The following SLC44A5 variants were observed in gnomAD, a reference collection of about 807,000 sequenced individuals.
SLC44A5 encodes the protein choline transporter-like protein 5.
SLC44A5 carries 57 observed loss-of-function variants against 101.8 expected under a neutral mutation model. The observed-to-expected ratio is 0.56, with a 90% CI of 0.45 to 0.70. The LOEUF is 0.70. SLC44A5 is among the 30% of genes least tolerant of loss of function. The probability of loss-of-function intolerance (pLI) is 0.00; values close to 1 mark genes in which losing one functional copy is unlikely to be tolerated. For missense variants in SLC44A5, 737 were observed against 853.1 expected (o/e 0.86, Z 1.70); for synonymous variants, 281 against 290.9 (o/e 0.97, Z 0.35).
rs571882188 is a variant in SLC44A5, at chr1:75,484,825, C to T, written c.13+56610G>A. ...CTTCTGCACAACTGTAAGCCCAACA[C>T]CACGTGAAAGCTGCACAGGTTTGGG... is the stretch of plus-strand genomic sequence containing the variant. On this transcript the variant is annotated intron_variant, in intron 2 of 23. Transcript: ENST00000370859. Among the ~76,000 whole-genome samples the T allele has an allele frequency of 6.7e-4, 102 of 152,372 alleles. 1 individual carries two copies. Among genetic ancestry groups the T allele is most frequent in the African/African-American group, 2.3e-3 (96 of 41,590 alleles).
chr1:75,255,165 G>C (rs530644548), intron 6 of SLC44A5, among the ~76,000 whole-genome samples: 1 of 152,034 alleles, frequency 6.6e-6, no homozygotes, highest in Non-Finnish European at 1.5e-5. Flanking sequence ...CAGCAGCAAA[G>C]CAAATCCACC....
the SLC44A5 span, among the ~76,000 whole-genome samples, chr1:75,713,046 C>T: frequency 6.6e-6 from 1 of 152,168 alleles, no homozygotes; most frequent in Non-Finnish European, 1.5e-5. Flanking sequence ...TCCTGTTCCG[C>T]CTAACCACTA....
intron 3 of SLC44A5, among the ~76,000 whole-genome samples, chr1:75,357,870 A>G (rs1659196175): frequency 1.3e-5 from 2 of 152,154 alleles, no homozygotes; most frequent in Non-Finnish European, 2.9e-5. Context: ...TGCGTCAAAG[A>G]GTTATATGTC....
chr1:75,695,772 A>C, the SLC44A5 span, among the ~76,000 whole-genome samples: 1 of 148,280 alleles, frequency 6.7e-6, no homozygotes, highest in East Asian at 1.9e-4. Context: ...TATATAAATA[A>C]AATAGTATTC....
intron 3 of SLC44A5, among the ~76,000 whole-genome samples, chr1:75,369,845 C>G (rs908338055): frequency 1.3e-5 from 2 of 151,886 alleles, no homozygotes; most frequent in East Asian, 3.9e-4. Context: ...AAAGATGAAA[C>G]AGTTCAATCA....
At chr1:75,273,240 C>T (rs556952772) in intron 6 of SLC44A5, among the ~76,000 whole-genome samples, 2 of 151,898 alleles carry the variant, frequency 1.3e-5, no homozygotes, top group African/African-American at 4.8e-5. Context: ...TTTTGTAACC[C>T]GAGCCTTTAG....
At chr1:75,267,540 A>T (rs1651098266) in intron 6 of SLC44A5, among the ~76,000 whole-genome samples, 1 of 151,872 alleles carries the variant, frequency 6.6e-6, no homozygotes, top group Non-Finnish European at 1.5e-5. Flanking sequence ...CTGCCATTAT[A>T]TTTATTTTTA....
chr1:75,427,206 T>G (rs574969202), intron 2 of SLC44A5, among the ~76,000 whole-genome samples: 24 of 152,326 alleles, frequency 1.6e-4, no homozygotes, highest in African/African-American at 5.5e-4. Context: ...TGGTTTTGCA[T>G]CCTCATTATT....
chr1:75,477,012 G>GCAGACTGA (rs1221333425), intron 2 of SLC44A5, among the ~76,000 whole-genome samples: 1 of 152,206 alleles, frequency 6.6e-6, no homozygotes, highest in Non-Finnish European at 1.5e-5. Context: ...CCCAGCAGGG[G>GCAGACTGA]CAGACTGACA....
At chr1:75,323,047 C>T (rs1227185985) in intron 4 of SLC44A5, among the ~76,000 whole-genome samples, 2 of 150,512 alleles carry the variant, frequency 1.3e-5, no homozygotes, top group South Asian at 2.1e-4. Flanking sequence ...CCCACTAACT[C>T]GTCATCTAGC....
intron 3 of SLC44A5, among the ~76,000 whole-genome samples, chr1:75,354,754 A>G (rs1238484708): frequency 3.9e-5 from 6 of 152,202 alleles, no homozygotes; most frequent in Admixed American, 3.9e-4. Context: ...GCTCTTAAGT[A>G]AAACCTCCTA....
intron 3 of SLC44A5, among the ~76,000 whole-genome samples, chr1:75,365,787 T>C (rs935328470): frequency 5.3e-5 from 8 of 152,218 alleles, no homozygotes; most frequent in Admixed American, 1.3e-4. Context: ...TCTCATTCTA[T>C]TTTATTTATC....
chr1:75,278,728 T>A (rs956904044), intron 5 of SLC44A5, among the ~76,000 whole-genome samples: 7 of 152,120 alleles, frequency 4.6e-5, no homozygotes, highest in Middle Eastern at 3.2e-3. Context: ...CAGCTTTAAG[T>A]GCAGGAGGAA....
chr1:75,653,263 C>T, the SLC44A5 span, among the ~76,000 whole-genome samples: 1 of 152,124 alleles, frequency 6.6e-6, no homozygotes, highest in African/African-American at 2.4e-5. Context: ...AGGTGGTTCA[C>T]CAGAGGTCAG....
At chr1:75,569,080 C>G (rs1672931107) in intron 1 of SLC44A5, among the ~76,000 whole-genome samples, 1 of 152,080 alleles carries the variant, frequency 6.6e-6, no homozygotes, top group East Asian at 1.9e-4. Flanking sequence ...TGTGCTTATT[C>G]TGTTTCTTCC....
intron 1 of SLC44A5, among the ~76,000 whole-genome samples, chr1:75,546,565 G>A (rs987738094): frequency 2.0e-5 from 3 of 151,954 alleles, no homozygotes; most frequent in East Asian, 1.9e-4. Context: ...AATTTTAATC[G>A]CATTTTTCTT....
chr1:75,587,792 T>G (rs948423414), intron 1 of SLC44A5, among the ~76,000 whole-genome samples: 10 of 152,184 alleles, frequency 6.6e-5, no homozygotes, highest in African/African-American at 2.4e-4. Context: ...CCCTTTTTCC[T>G]TTTCAGTTGG....
intron 2 of SLC44A5, among the ~76,000 whole-genome samples, chr1:75,509,052 G>C (rs921202643): frequency 6.6e-6 from 1 of 152,228 alleles, no homozygotes; most frequent in Non-Finnish European, 1.5e-5. Context: ...TGGGTTAGGG[G>C]AATGGAAATG....
intron 2 of SLC44A5, among the ~76,000 whole-genome samples, chr1:75,411,172 T>TA (rs1409152651): frequency 6.6e-6 from 1 of 152,008 alleles, no homozygotes; most frequent in African/African-American, 2.4e-5. Flanking sequence ...GCAGATTAGA[T>TA]AAAAAACAGT....
Sources: gnomAD v4.1 joint callset for allele counts (sites outside exome capture counted in the v4.1 genomes callset) on GRCh38, gnomAD v4.1.1 for gene constraint, MANE v1.5 for transcripts, NCBI Gene and HGNC (gene_info 2026-07-23, HGNC 2026-07-21) for gene names.